Variants in ZMIZ1 observed in about 807,000 individuals in gnomAD.
ZMIZ1 encodes zinc finger MIZ domain-containing protein 1.
A neutral mutation model predicts 113.9 loss-of-function variants in ZMIZ1; 17 were observed. The ratio of observed to expected loss-of-function variants is 0.15; its 90% CI spans 0.10 to 0.22. The LOEUF is 0.22. Ranked by LOEUF, ZMIZ1 falls within the 10% of genes least tolerant of loss-of-function variation. The pLI, the probability that ZMIZ1 is intolerant of heterozygous loss-of-function variation, is 1.00. For synonymous variants in ZMIZ1, 607 were observed against 603.1 expected (o/e 1.01, Z -0.09); for missense variants, 1,059 against 1,477.8 (o/e 0.72, Z 4.65).
chr10:79,296,470 G>A lies in ZMIZ1; in HGVS notation c.1231-1G>A. 6.2e-7 allele frequency: 1 copy of A among 1,613,808 alleles called. No homozygotes were observed. Among genetic ancestry groups the A allele is most frequent in the Non-Finnish European group, 8.5e-7 (1 of 1,179,898 alleles). On this transcript the variant is annotated splice_acceptor_variant, in intron 12 of 24. Coordinates refer to ENST00000334512, the MANE Select transcript of ZMIZ1 (RefSeq NM_020338.4). LOFTEE classifies it high-confidence loss of function. This position sits in a 1 kb window ranked among gnomAD's most constrained non-coding sequence, Gnocchi z 4.1. ...CCCCTCTCCTTTCTCTCCCACCACAGCCCAACTATGGAAACCAGCAATATG... is the reference window on the plus strand; with the variant it reads ...CCCCTCTCCTTTCTCTCCCACCACAACCCAACTATGGAAACCAGCAATATG...
chr10:79,080,054 C>T lies in ZMIZ1; in HGVS notation c.-337+10784C>T, dbSNP rs367614698. Among the ~76,000 whole-genome samples, 8 of 152,300 alleles carry T rather than the reference C, an allele frequency of 5.3e-5. No homozygotes were observed. The South Asian group carries it at 8.3e-4, about 16-fold the overall frequency. On this transcript the variant is annotated intron_variant, in intron 1 of 24. Coordinates refer to ENST00000334512, the MANE Select transcript of ZMIZ1 (RefSeq NM_020338.4). ...TGTGCTGTTGGTGGGGAGAGGCAGCCTGGGGCCTCCAGAGAGCCGCTGGCC... is the reference window on the plus strand; with the variant it reads ...TGTGCTGTTGGTGGGGAGAGGCAGCTTGGGGCCTCCAGAGAGCCGCTGGCC...
At chr10:79,246,507 C>T (rs1206404881) in intron 7 of ZMIZ1, among the ~76,000 whole-genome samples, 1 of 152,302 alleles carries the variant, frequency 6.6e-6, no homozygotes, top group East Asian at 1.9e-4. Context: ...AGGAACTCCT[C>T]AGTGGGGCCT....
intron 3 of ZMIZ1, among the ~76,000 whole-genome samples, chr10:79,160,448 G>A (rs1019696265): frequency 1.3e-5 from 2 of 152,254 alleles, no homozygotes; most frequent in African/African-American, 4.8e-5. Context: ...AGCCACTGGT[G>A]TCTGGCCCTC....
intron 7 of ZMIZ1, among the ~76,000 whole-genome samples, chr10:79,248,842 G>A (rs935548564): frequency 9.2e-5 from 14 of 152,156 alleles, no homozygotes; most frequent in Non-Finnish European, 1.6e-4. Context: ...ATTTCCCTGG[G>A]GCTGGGACTG....
At chr10:79,248,359 C>T (rs148562884) in intron 7 of ZMIZ1, among the ~76,000 whole-genome samples, 15 of 152,114 alleles carry the variant, frequency 9.9e-5, no homozygotes, top group African/African-American at 3.6e-4. Flanking sequence ...GGAGGATGTC[C>T]CTCCAGATGG....
At chr10:79,248,593 A>G (rs1850353088) in intron 7 of ZMIZ1, among the ~76,000 whole-genome samples, 1 of 152,130 alleles carries the variant, frequency 6.6e-6, no homozygotes, top group Non-Finnish European at 1.5e-5. Flanking sequence ...GCCCCTGCTG[A>G]CGCAATGGAA....
At chr10:79,242,240 G>A (rs1003451158) in intron 7 of ZMIZ1, among the ~76,000 whole-genome samples, 1 of 152,078 alleles carries the variant, frequency 6.6e-6, no homozygotes, top group Non-Finnish European at 1.5e-5. Context: ...AAGAGGCCTC[G>A]GCCACCACAG....
chr10:79,165,972 G>C (rs1564692810), intron 4 of ZMIZ1, among the ~76,000 whole-genome samples: 22 of 56,104 alleles, frequency 3.9e-4, no homozygotes, highest in Admixed American at 1.1e-3. Context: ...GTGTGTGTGT[G>C]TGTGTGTGTG....
chr10:79,309,472 G>C (rs1459369918), intron 23 of ZMIZ1, among the ~76,000 whole-genome samples: 1 of 152,184 alleles, frequency 6.6e-6, no homozygotes, highest in Non-Finnish European at 1.5e-5. Context: ...CCAGCCTCTT[G>C]TATGTGTCTC....
At chr10:79,270,236 G>A (rs1851868066) in intron 7 of ZMIZ1, among the ~76,000 whole-genome samples, 1 of 152,236 alleles carries the variant, frequency 6.6e-6, no homozygotes, top group African/African-American at 2.4e-5. Flanking sequence ...GCTGGCTACA[G>A]GGGAGTTGCT....
chr10:79,202,357 G>T (rs183413005), intron 5 of ZMIZ1, among the ~76,000 whole-genome samples: 1 of 151,868 alleles, frequency 6.6e-6, no homozygotes, highest in Non-Finnish European at 1.5e-5. Context: ...TAATCTCAGC[G>T]CTTTGGGAGG....
At chr10:79,112,091 T>C (rs1208759643) in intron 1 of ZMIZ1, among the ~76,000 whole-genome samples, 1 of 152,160 alleles carries the variant, frequency 6.6e-6, no homozygotes, top group Non-Finnish European at 1.5e-5. Flanking sequence ...TCTAGAAGTG[T>C]GGACACAACT....
chr10:79,131,811 A>G (rs1447572147), intron 2 of ZMIZ1, among the ~76,000 whole-genome samples: 1 of 148,770 alleles, frequency 6.7e-6, no homozygotes, highest in African/African-American at 2.5e-5. Flanking sequence ...TGGTGGAACA[A>G]TCATAGTGGA....
At chr10:79,100,696 A>G (rs1293497993) in intron 1 of ZMIZ1, among the ~76,000 whole-genome samples, 2 of 152,198 alleles carry the variant, frequency 1.3e-5, no homozygotes, top group African/African-American at 4.8e-5. Flanking sequence ...GCTGCGTTCC[A>G]GGAGAGAGGG....
At chr10:79,271,674 C>G (rs1851958939) in intron 7 of ZMIZ1, among the ~76,000 whole-genome samples, 1 of 152,162 alleles carries the variant, frequency 6.6e-6, no homozygotes, top group South Asian at 2.1e-4. Flanking sequence ...GCAGGCAGCT[C>G]CTGTTAAACC....
At chr10:79,150,092 C>T (rs1028351867) in intron 3 of ZMIZ1, among the ~76,000 whole-genome samples, 40 of 152,278 alleles carry the variant, frequency 2.6e-4, no homozygotes, top group East Asian at 3.9e-4. Context: ...GAAGCCAGGG[C>T]GGGGCTGGAG....
At chr10:79,279,490 G>A (rs1425014582) in intron 8 of ZMIZ1, among the ~76,000 whole-genome samples, 2 of 152,002 alleles carry the variant, frequency 1.3e-5, no homozygotes, top group East Asian at 1.9e-4. Context: ...CTGGGCGGCC[G>A]GGCAGAGGGG....
At chr10:79,146,465 T>C (rs1845488870) in intron 3 of ZMIZ1, among the ~76,000 whole-genome samples, 1 of 152,174 alleles carries the variant, frequency 6.6e-6, no homozygotes, top group Admixed American at 6.5e-5. Context: ...GGCTATAATA[T>C]ACCATGGACT....
chr10:79,254,204 G>A (rs979687900), intron 7 of ZMIZ1, among the ~76,000 whole-genome samples: 4 of 152,104 alleles, frequency 2.6e-5, no homozygotes, highest in Non-Finnish European at 1.5e-5. Flanking sequence ...AGCCAGGGGC[G>A]CCCCTGTTCA....
Sources: gnomAD v4.1 joint callset for allele counts (sites outside exome capture counted in the v4.1 genomes callset) on GRCh38, gnomAD v4.1.1 for gene constraint, Gnocchi (gnomAD v3.1) non-coding constraint, MANE v1.5 for transcripts, NCBI Gene and HGNC (gene_info 2026-07-23, HGNC 2026-07-21) for gene names.